Variants in MAGI2 observed in about 807,000 individuals in gnomAD.
The protein encoded by MAGI2 is membrane associated guanylate kinase, WW and PDZ domain containing 2.
MAGI2 carries 35 observed loss-of-function variants against 133.3 expected under a neutral mutation model. The ratio of observed to expected loss-of-function variants is 0.26; its 90% confidence interval spans 0.20 to 0.35. The LOEUF (loss-of-function observed/expected upper bound fraction) is 0.35, where lower values mean the gene tolerates loss of function less well. Among genes scored for constraint, MAGI2 ranks in the 10% least tolerant of loss-of-function variants. The pLI is 1.00. For synonymous variants in MAGI2, 729 were observed against 710.6 expected (o/e 1.03, Z -0.41); for missense variants, 1,636 against 1,863.4 (o/e 0.88, Z 2.25).
chr7:78,414,511 T>C (rs1450728450), intron 6 of MAGI2, among the ~76,000 whole-genome samples: 1 of 152,010 alleles, frequency 6.6e-6, no homozygotes. Flanking sequence ...ATATATATTA[T>C]GCTTATTAGT....
At chr7:78,513,472 T>G (rs563056632) in intron 4 of MAGI2, among the ~76,000 whole-genome samples, 1 of 152,076 alleles carries the variant, frequency 6.6e-6, no homozygotes, top group South Asian at 2.1e-4. Context: ...ACACCAACAA[T>G]CATAATCACT....
At position 79,236,038 on chromosome 7, in the gene MAGI2, G is replaced by T. The variant is rs1227783381; in HGVS notation, c.301+216982C>A. Among the ~76,000 whole-genome samples the T allele has an allele frequency of 1.1e-4, 17 of 152,266 alleles. No individual in the cohort carries two copies. The East Asian group carries it at 3.1e-3, about 28-fold the overall frequency. On this transcript the variant is annotated intron_variant, in intron 1 of 21. Transcript: ENST00000354212. ...AGGCTCTAGGTTTGCTGGCATTTGG[G>T]CATATGCTATATTATATGGTGCTTG...
chr7:79,206,193 GC>G (rs1389009162), intron 1 of MAGI2, among the ~76,000 whole-genome samples: 5 of 148,196 alleles, frequency 3.4e-5, no homozygotes, highest in African/African-American at 1.3e-4. Context: ...AACACACCAA[GC>G]CAAAGTTAGT....
rs895342732 is a variant in MAGI2, at chr7:79,151,106, T to C, written c.302-143900A>G. Among the ~76,000 whole-genome samples, 15 of 152,256 alleles carry C rather than the reference T, an allele frequency of 9.9e-5. 1 individual carries two copies. Among genetic ancestry groups the C allele is most frequent in the Admixed American group, 9.2e-4 (14 of 15,284 alleles). ...CTGCTTCTGTTATTGAAATTACCAG[T>C]TATTATCATTTTGTTGCAGACGAAG... On this transcript the variant is annotated intron_variant, in intron 1 of 21. Transcript: ENST00000354212.
intron 1 of MAGI2, among the ~76,000 whole-genome samples, chr7:79,315,212 G>A (rs1322419314): frequency 6.7e-6 from 1 of 148,860 alleles, no homozygotes; most frequent in East Asian, 2.0e-4. Context: ...AAGCTAGAGT[G>A]CAGTGGCATG....
chr7:79,383,957 G>A (rs575579991), intron 1 of MAGI2, among the ~76,000 whole-genome samples: 97 of 151,444 alleles, frequency 6.4e-4, no homozygotes, highest in African/African-American at 2.3e-3. Context: ...ATTAATAAAT[G>A]TTATAAATAT....
chr7:78,257,473 C>T lies in MAGI2; in HGVS notation c.1409-892G>A, dbSNP rs1214916839. 3.9e-5 allele frequency among the ~76,000 whole-genome samples: 6 copies of T among 152,150 alleles called. No individual in the cohort carries two copies. The East Asian group carries it at 1.2e-3, about 29-fold the overall frequency. On this transcript the variant is annotated intron_variant, in intron 9 of 21. Transcript: ENST00000354212. ...GTTTCAATAAAGGCACTTGTCCTTT[C>T]TCCCCAGTGAACTATCACAGATTTT...
At chr7:78,469,979 G>A (rs1021793578) in intron 6 of MAGI2, among the ~76,000 whole-genome samples, 1 of 152,144 alleles carries the variant, frequency 6.6e-6, no homozygotes, top group African/African-American at 2.4e-5. Flanking sequence ...TATATAAAAT[G>A]TGGCTTCGCT....
At chr7:79,382,072 T>G (rs1843831244) in intron 1 of MAGI2, among the ~76,000 whole-genome samples, 1 of 151,596 alleles carries the variant, frequency 6.6e-6, no homozygotes, top group Non-Finnish European at 1.5e-5. Flanking sequence ...TCTGTGACAG[T>G]CTAACAGCTT....
intron 16 of MAGI2, among the ~76,000 whole-genome samples, chr7:78,136,778 T>C (rs1822184726): frequency 6.6e-6 from 1 of 152,240 alleles, no homozygotes; most frequent in Non-Finnish European, 1.5e-5. Flanking sequence ...GAACTCTCAA[T>C]CTTGCACATG....
intron 2 of MAGI2, among the ~76,000 whole-genome samples, chr7:78,976,683 T>C (rs1804280875): frequency 6.9e-6 from 1 of 144,862 alleles, no homozygotes; most frequent in Non-Finnish European, 1.5e-5. Context: ...ATATGACTTT[T>C]TTTAAAATGT....
chr7:78,564,780 A>ATTTTTTTT (rs1584654139), intron 3 of MAGI2, among the ~76,000 whole-genome samples: 1 of 72,174 alleles, frequency 1.4e-5, no homozygotes, highest in Non-Finnish European at 3.0e-5. Flanking sequence ...TCTCTTTGAC[A>ATTTTTTTT]TTCTTTTTTT....
chr7:79,106,590 G>T (rs1485360979), intron 1 of MAGI2, among the ~76,000 whole-genome samples: 1 of 152,092 alleles, frequency 6.6e-6, no homozygotes, highest in African/African-American at 2.4e-5. Flanking sequence ...TTCCTACTAA[G>T]AGTCTTACAA....
At chr7:78,939,206 C>T (rs1800779018) in intron 2 of MAGI2, among the ~76,000 whole-genome samples, 1 of 152,032 alleles carries the variant, frequency 6.6e-6, no homozygotes, top group East Asian at 1.9e-4. Flanking sequence ...GTTGGCCAGG[C>T]TGGTCTTGAA....
intron 1 of MAGI2, among the ~76,000 whole-genome samples, chr7:79,202,793 C>T (rs925837797): frequency 1.3e-5 from 2 of 151,906 alleles, no homozygotes; most frequent in African/African-American, 4.8e-5. Flanking sequence ...AAAACCTGTA[C>T]TACTTATATT....
intron 9 of MAGI2, among the ~76,000 whole-genome samples, chr7:78,336,046 T>C (rs1789725336): frequency 6.6e-6 from 1 of 152,194 alleles, no homozygotes; most frequent in Non-Finnish European, 1.5e-5. Context: ...TGAAGGTAGC[T>C]ACCAAAAGAA....
intron 1 of MAGI2, among the ~76,000 whole-genome samples, chr7:79,325,312 C>T (rs141089627): frequency 1.2e-3 from 184 of 152,188 alleles, no homozygotes; most frequent in Non-Finnish European, 1.7e-3. Flanking sequence ...TGCTCATGCT[C>T]GTGCCTGGAA....
chr7:79,320,737 A>G (rs1008477854), intron 1 of MAGI2, among the ~76,000 whole-genome samples: 3 of 152,074 alleles, frequency 2.0e-5, no homozygotes, highest in African/African-American at 7.2e-5. Flanking sequence ...TTAATTTCAA[A>G]TGTTGCAGGC....
At chr7:78,966,830 C>A (rs1020397766) in intron 2 of MAGI2, among the ~76,000 whole-genome samples, 2 of 128,816 alleles carry the variant, frequency 1.6e-5, no homozygotes, top group Admixed American at 1.7e-4. Context: ...TCTTTGCCTA[C>A]ACGTCTTTTT....
Sources: gnomAD v4.1 joint callset for allele counts (sites outside exome capture counted in the v4.1 genomes callset) on GRCh38, gnomAD v4.1.1 for gene constraint, MANE v1.5 for transcripts, NCBI Gene and HGNC (gene_info 2026-07-23, HGNC 2026-07-21) for gene names.